The following FMNL3 variants were observed in gnomAD, a reference collection of about 807,000 sequenced individuals.
The protein encoded by FMNL3 is formin-like protein 3.
FMNL3 carries 57 observed loss-of-function variants against 119.6 expected under a neutral mutation model. The observed-to-expected ratio is 0.48, with a 90% confidence interval of 0.39 to 0.59. The LOEUF (loss-of-function observed/expected upper bound fraction) is 0.59, where lower values mean the gene tolerates loss of function less well. FMNL3 is among the 20% of genes least tolerant of loss of function. FMNL3 has a pLI of 0.00. For synonymous variants in FMNL3, 491 were observed against 507.3 expected (o/e 0.97, Z 0.43); for missense variants, 1,053 against 1,323.5 (o/e 0.80, Z 3.17).
At chr12:49,682,844 G>A (rs1429892283) in intron 1 of FMNL3, among the ~76,000 whole-genome samples, 1 of 152,152 alleles carries the variant, frequency 6.6e-6, no homozygotes, top group Non-Finnish European at 1.5e-5. Context: ...GGAAAACTGA[G>A]ACCAGAACTT....
intron 7 of FMNL3, 26 bp downstream of exon 7, chr12:49,657,056 A>AC: frequency 3.1e-6 from 5 of 1,602,002 alleles, no homozygotes; most frequent in Non-Finnish European, 4.3e-6. Flanking sequence ...GAAGTAGAGC[A>AC]CCTATGGCTA....
Position 49,642,216 on chromosome 12 carries a change from G to A in FMNL3, c.*3599C>T, listed in dbSNP as rs369486822. 7.4e-5 allele frequency: 120 copies of A among 1,614,096 alleles called. No homozygotes were observed. The highest frequency in any genetic ancestry group is 2.7e-4 in the South Asian group (25 of 91,086). ...CCACCCTCCTGGGTGACCCTGTTCC[G>A]TGTCCCTTCTTTCCTCAGCTGCTGG... On this transcript the variant is annotated 3_prime_UTR_variant, in exon 26 of 26. Coordinates refer to ENST00000335154, the MANE Select transcript of FMNL3 (RefSeq NM_175736.5). This position sits in a 1 kb window ranked among gnomAD's most constrained non-coding sequence, Gnocchi z 5.8.
At chr12:49,683,573 C>T (rs369660805) in intron 1 of FMNL3, among the ~76,000 whole-genome samples, 29 of 152,132 alleles carry the variant, frequency 1.9e-4, no homozygotes, top group African/African-American at 7.0e-4. Context: ...ATTTGACTGT[C>T]CCATCATCTC....
At chr12:49,674,921 A>G (rs933595325) in intron 1 of FMNL3, among the ~76,000 whole-genome samples, 7 of 152,228 alleles carry the variant, frequency 4.6e-5, no homozygotes, top group African/African-American at 1.4e-4. Context: ...AAGTCAGATG[A>G]AGGAGAGGTC....
At chr12:49,676,134 G>A (rs994489747) in intron 1 of FMNL3, among the ~76,000 whole-genome samples, 1 of 152,184 alleles carries the variant, frequency 6.6e-6, no homozygotes, top group Admixed American at 6.5e-5. Context: ...TAAAATGGCA[G>A]AGACCTGCCT....
intron 5 of FMNL3, chr12:49,659,853 CT>C: frequency 2.0e-6 from 2 of 985,458 alleles, no homozygotes; most frequent in South Asian, 9.4e-5. Flanking sequence ...TGTCCTCTTC[CT>C]CCATGTAGGT....
At position 49,640,477 on chromosome 12, in the gene FMNL3, G is replaced by C. The variant is rs115397805; in HGVS notation, c.*5338C>G. On this transcript the variant is annotated 3_prime_UTR_variant, in exon 26 of 26. Coordinates refer to ENST00000335154, the MANE Select transcript of FMNL3 (RefSeq NM_175736.5). Reference sequence around the variant, plus strand: ...TAAGTGGTAGAGGCACTGAGGACCAGATGAGTGAGGACAAAGAAGGCGGCC... The same window carrying C: ...TAAGTGGTAGAGGCACTGAGGACCACATGAGTGAGGACAAAGAAGGCGGCC... 2.0e-5 allele frequency: 3 copies of C among 152,336 alleles called. No individual in the cohort carries two copies. The highest frequency in any genetic ancestry group is 7.2e-5 in the African/African-American group (3 of 41,456). The allele number at this position is 152,336 out of a possible 1,614,324, so 9.4% of individuals were successfully genotyped here. A position where few individuals can be genotyped will look rare whatever the true frequency, so the allele number is the denominator to read the frequency against.
chr12:49,685,012 T>C (rs977645217), intron 1 of FMNL3, among the ~76,000 whole-genome samples: 1 of 152,202 alleles, frequency 6.6e-6, no homozygotes, highest in Non-Finnish European at 1.5e-5. Context: ...TAGAACATTG[T>C]CTGGGCCTCA....
chr12:49,668,115 T>A (rs1258960690), intron 2 of FMNL3, among the ~76,000 whole-genome samples: 1 of 152,196 alleles, frequency 6.6e-6, no homozygotes, highest in Non-Finnish European at 1.5e-5. Context: ...AAGACCCTGC[T>A]ATTTGCCAGG....
Position 49,642,008 on chromosome 12 carries a change from A to C in FMNL3, c.*3807T>G. The C allele has an allele frequency of 6.2e-7, 1 of 1,613,104 alleles. No individual in the cohort carries two copies. The highest frequency in any genetic ancestry group is 8.5e-7 in the Non-Finnish European group (1 of 1,180,012). On this transcript the variant is annotated 3_prime_UTR_variant, in exon 26 of 26. Coordinates refer to ENST00000335154, the MANE Select transcript of FMNL3 (RefSeq NM_175736.5). The surrounding 1 kb of genome is among the most constrained non-coding windows in gnomAD (Gnocchi z 5.8). Reference sequence around the variant, plus strand: ...GCCGCACTGGACGCAGGCAACATCAAGCTGACCTTCAATAGTGTGAGGGGC... The same window carrying C: ...GCCGCACTGGACGCAGGCAACATCACGCTGACCTTCAATAGTGTGAGGGGC...
rs770258258 is a variant in FMNL3 at position 49,657,209 on chromosome 12, C to A, written c.606-19G>T. The A allele has an allele frequency of 6.3e-7, 1 of 1,586,358 alleles. No individual in the cohort carries two copies. The highest frequency in any genetic ancestry group is 1.3e-5 in the African/African-American group (1 of 74,362). ...GCTATACCTGGGGAGATGGGCCAGG[C>A]AGTCAGGTGGGAGCTGAGGCTGCCA... On this transcript the variant is annotated intron_variant, in intron 6 of 25. Coordinates refer to ENST00000335154, the MANE Select transcript of FMNL3 (RefSeq NM_175736.5).
In FMNL3 at chr12:49,651,381, C is replaced by A; in HGVS notation, c.1672+1G>T. On this transcript the variant is annotated splice_donor_variant, in intron 15 of 25. Transcript: ENST00000335154. LOFTEE classifies it high-confidence loss of function. ...CTGCCCAGAGCCCTGGGGATACTCA[C>A]CTGACAGGCCCACTGTCAACACCAC... 1.9e-6 allele frequency: 3 copies of A among 1,564,244 alleles called. No individual in the cohort carries two copies. Among genetic ancestry groups the A allele is most frequent in the South Asian group, 1.2e-5 (1 of 84,944 alleles).
In FMNL3 at chr12:49,649,373, T is replaced by C. The variant is rs1197971193; in HGVS notation, c.2305-34A>G. On this transcript the variant is annotated intron_variant, in intron 19 of 25. Coordinates refer to ENST00000335154, the MANE Select transcript of FMNL3 (RefSeq NM_175736.5). The surrounding 1 kb of genome is among the most constrained non-coding windows in gnomAD (Gnocchi z 5.6). Reference sequence around the variant, plus strand: ...AGAATGTGTGGGAGGCAGGTCAGGCTCAGGTCCTGAAGGCTCCTTCTTCCT... The same window carrying C: ...AGAATGTGTGGGAGGCAGGTCAGGCCCAGGTCCTGAAGGCTCCTTCTTCCT... 1 of 1,613,914 alleles carries C rather than the reference T, an allele frequency of 6.2e-7. No individual in the cohort carries two copies. The highest frequency in any genetic ancestry group is 8.5e-7 in the Non-Finnish European group (1 of 1,179,830).
In FMNL3 at chr12:49,650,169, G is replaced by A. The variant is rs567000023; in HGVS notation, c.2001-244C>T. On this transcript the variant is annotated intron_variant, in intron 17 of 25. Transcript: ENST00000335154. ...TACCTAGGGTGAAGTCCAAACACCTGAGCATGGCTTACGAGGTCCAGCCTG... is the reference window on the plus strand; with the variant it reads ...TACCTAGGGTGAAGTCCAAACACCTAAGCATGGCTTACGAGGTCCAGCCTG... Among the ~76,000 whole-genome samples, 30 of 152,236 alleles carry A rather than the reference G, an allele frequency of 2.0e-4. No individual in the cohort carries two copies. The South Asian group carries it at 2.9e-3, about 15-fold the overall frequency.
At chr12:49,654,793 G>T in intron 10 of FMNL3, 117 bp downstream of exon 10, 1 of 982,762 alleles carries the variant, frequency 1.0e-6, no homozygotes, top group Non-Finnish European at 1.5e-6. Flanking sequence ...TTGCTGAATA[G>T]AATCATTCTG....
rs566200814 is a variant in FMNL3, at chr12:49,678,509, C to G, written c.127-9955G>C. Among the ~76,000 whole-genome samples, 6 of 152,138 alleles carry G rather than the reference C, an allele frequency of 3.9e-5. No individual in the cohort carries two copies. The South Asian group carries it at 1.2e-3, about 32-fold the overall frequency. On this transcript the variant is annotated intron_variant, in intron 1 of 25. Transcript: ENST00000335154. ...ACAGGGTCTCACTTTGTCATCCAGG[C>G]TGAAGTGCAGTGGCACAATCTTGGC... is the stretch of plus-strand genomic sequence containing the variant.
chr12:49,647,342 G>C lies in FMNL3; in HGVS notation c.2805C>G (p.Arg935=). The change falls in exon 24 of 26, where the codon CGC becomes CGG. Residue 935 remains arginine, a synonymous_variant. Transcript: ENST00000335154. The surrounding 1 kb of genome is among the most constrained non-coding windows in gnomAD (Gnocchi z 4.9). ...CCCGCATTACCTCCTCCTGCTTCTTGCGGGCTTCATTCTCTTGTTCTGCTT... is the reference window on the plus strand; with the variant it reads ...CCCGCATTACCTCCTCCTGCTTCTTCCGGGCTTCATTCTCTTGTTCTGCTT... ...YKEAEQENEA[R]KKQEEVMREK... The C allele has an allele frequency of 6.2e-7, 1 of 1,613,428 alleles. No homozygotes were observed. Among genetic ancestry groups the C allele is most frequent in the Non-Finnish European group, 8.5e-7 (1 of 1,179,996 alleles).
At chr12:49,669,649 T>C (rs557250516) in intron 1 of FMNL3, among the ~76,000 whole-genome samples, 52 of 152,170 alleles carry the variant, frequency 3.4e-4, no homozygotes, top group Non-Finnish European at 5.7e-4. Context: ...CTGGCCAACA[T>C]TGCAAAATCC....
rs1490797408 is a variant in FMNL3 at position 49,640,021 on chromosome 12, C to A, written c.*5794G>T. ...CCTATCCTCACTGAGTCCTGTCTCT[C>A]CACACAACCTGAGAAAGCAACTTTT... On this transcript the variant is annotated 3_prime_UTR_variant, in exon 26 of 26. Coordinates refer to ENST00000335154, the MANE Select transcript of FMNL3 (RefSeq NM_175736.5). 1 of 152,204 alleles carries A rather than the reference C, an allele frequency of 6.6e-6. No homozygotes were observed. Among genetic ancestry groups the A allele is most frequent in the Non-Finnish European group, 1.5e-5 (1 of 68,038 alleles). The allele number at this position is 152,204 out of a possible 1,614,324, so 9.4% of individuals were successfully genotyped here. A position where few individuals can be genotyped will look rare whatever the true frequency, so the allele number is the denominator to read the frequency against.
Sources: gnomAD v4.1 joint callset for allele counts (sites outside exome capture counted in the v4.1 genomes callset) on GRCh38, gnomAD v4.1.1 for gene constraint, Gnocchi (gnomAD v3.1) non-coding constraint, MANE v1.5 for transcripts, NCBI Gene and HGNC (gene_info 2026-07-23, HGNC 2026-07-21) for gene names.